Variants in PALS2 observed in about 807,000 individuals in gnomAD.
The protein encoded by PALS2 is protein PALS2.
PALS2 carries 27 observed loss-of-function variants against 61.6 expected under a neutral mutation model. That is an observed-to-expected ratio of 0.44 (90% CI 0.32 to 0.60). PALS2 has a LOEUF of 0.60. Among genes scored for constraint, PALS2 ranks in the 20% least tolerant of loss-of-function variants. PALS2 has a pLI of 0.05. For missense variants in PALS2, 554 were observed against 639.4 expected (o/e 0.87, Z 1.44); for synonymous variants, 236 against 218.6 (o/e 1.08, Z -0.70).
chr7:24,634,829 T>A (rs1785163615), intron 2 of PALS2, among the ~76,000 whole-genome samples: 1 of 152,168 alleles, frequency 6.6e-6, no homozygotes, highest in African/African-American at 2.4e-5. Flanking sequence ...GAAAGGAATA[T>A]TTTTTCCCCA....
Position 24,618,533 on chromosome 7 carries a change from T to A in PALS2, c.-2-5133T>A, listed in dbSNP as rs559055896. Reference sequence around the variant, plus strand: ...AAGTGCAGATCTTGTGCTCCCAGTCTGGGGGAATACAGCTGTGTGAATTCA... The same window carrying A: ...AAGTGCAGATCTTGTGCTCCCAGTCAGGGGGAATACAGCTGTGTGAATTCA... On this transcript the variant is annotated intron_variant, in intron 1 of 11. Transcript: ENST00000222644. This position sits in a 1 kb window ranked among gnomAD's most constrained non-coding sequence, Gnocchi z 5.1. Among the ~76,000 whole-genome samples, 18 of 152,316 alleles carry A rather than the reference T, an allele frequency of 1.2e-4. No individual in the cohort carries two copies. The East Asian group carries it at 3.5e-3, about 29-fold the overall frequency.
intron 1 of PALS2, among the ~76,000 whole-genome samples, chr7:24,599,268 G>T (rs1437209582): frequency 6.6e-6 from 1 of 152,144 alleles, no homozygotes; most frequent in Admixed American, 6.6e-5. Context: ...AGAACTGGCA[G>T]TTGCTCTGGG....
chr7:24,644,960 T>A (rs1195050935), intron 3 of PALS2, among the ~76,000 whole-genome samples: 1 of 151,016 alleles, frequency 6.6e-6, no homozygotes, highest in Admixed American at 6.6e-5. Flanking sequence ...GAGAAGTGTC[T>A]GTTCATGTTC....
chr7:24,581,257 G>A (rs2128039423), intron 1 of PALS2, among the ~76,000 whole-genome samples: 1 of 113,828 alleles, frequency 8.8e-6, no homozygotes, highest in Admixed American at 8.4e-5. Flanking sequence ...GTGTGTGTGT[G>A]TGTGTGTGTG....
At chr7:24,607,876 C>A (rs1783977171) in intron 1 of PALS2, among the ~76,000 whole-genome samples, 1 of 151,894 alleles carries the variant, frequency 6.6e-6, no homozygotes, top group South Asian at 2.1e-4. Context: ...TAAACAATTG[C>A]ATTCATGTAA....
At chr7:24,663,478 G>A in intron 5 of PALS2, 112 bp from the exon 6 acceptor site, 4 of 1,015,714 alleles carry the variant, frequency 3.9e-6, no homozygotes, top group Non-Finnish European at 5.5e-6. Flanking sequence ...ATTATCTGAA[G>A]TACTAAATAC....
intron 1 of PALS2, among the ~76,000 whole-genome samples, chr7:24,595,827 C>A (rs1181929719): frequency 6.6e-6 from 1 of 150,958 alleles, no homozygotes; most frequent in Non-Finnish European, 1.5e-5. Context: ...TACACTGTGA[C>A]AAAATGAAGA....
chr7:24,633,806 T>G (rs1474266057), intron 2 of PALS2, among the ~76,000 whole-genome samples: 1 of 152,218 alleles, frequency 6.6e-6, no homozygotes, highest in Admixed American at 6.5e-5. Flanking sequence ...CGGACTGTTA[T>G]CCATAGTAGC....
intron 1 of PALS2, among the ~76,000 whole-genome samples, chr7:24,604,174 A>G (rs746193671): frequency 6.6e-6 from 1 of 150,488 alleles, no homozygotes; most frequent in African/African-American, 2.5e-5. Flanking sequence ...GAATACCCAC[A>G]TCAGTCTAGC....
In PALS2 at chr7:24,617,011, T is replaced by A. The variant is rs573949809; in HGVS notation, c.-2-6655T>A. 2.0e-5 allele frequency among the ~76,000 whole-genome samples: 3 copies of A among 152,306 alleles called. No individual in the cohort carries two copies. In the East Asian group the frequency reaches 5.8e-4, roughly 29 times the overall value. The stretch of plus-strand genomic sequence containing the variant: ...CTCATTAAATATTTCCTATGATATT[T>A]CCCTTCTCTTCTTCTTCTGGAACTC... On this transcript the variant is annotated intron_variant, in intron 1 of 11. Transcript: ENST00000222644.
chr7:24,682,385 T>C (rs1410658991), intron 11 of PALS2, among the ~76,000 whole-genome samples: 1 of 152,170 alleles, frequency 6.6e-6, no homozygotes, highest in East Asian at 1.9e-4. Flanking sequence ...CTCCAAAGTC[T>C]GTCTGTGCTG....
rs1300439501 is a variant in PALS2 at position 24,596,090 on chromosome 7, G to C, written c.-3+22497G>C. On this transcript the variant is annotated intron_variant, in intron 1 of 11. Transcript: ENST00000222644. This position sits in a 1 kb window ranked among gnomAD's most constrained non-coding sequence, Gnocchi z 4.5. ...GAGTGTGGCTAGTTTTCTAAGTACA[G>C]TGGGAAGCCTTTGGGTAGTTTTAGC... Among the ~76,000 whole-genome samples the C allele has an allele frequency of 6.6e-6, 1 of 152,134 alleles. No individual in the cohort carries two copies. The highest frequency in any genetic ancestry group is 1.5e-5 in the Non-Finnish European group (1 of 68,030).
At chr7:24,632,900 T>A (rs1166903225) in intron 2 of PALS2, among the ~76,000 whole-genome samples, 6 of 149,382 alleles carry the variant, frequency 4.0e-5, no homozygotes, top group Non-Finnish European at 8.9e-5. Flanking sequence ...TGTTAGACTT[T>A]AAAAAAAAAA....
intron 5 of PALS2, among the ~76,000 whole-genome samples, chr7:24,658,603 C>T (rs1291018738): frequency 2.0e-5 from 3 of 148,748 alleles, no homozygotes; most frequent in Non-Finnish European, 3.0e-5. Context: ...TGTTGCCAGG[C>T]TGGAGTGCAG....
At chr7:24,633,003 TA>T (rs144870515) in intron 2 of PALS2, among the ~76,000 whole-genome samples, 9,628 of 152,280 alleles carry the variant, frequency 0.063, 353 homozygotes, top group African/African-American at 0.093. Context: ...AACTACCTTA[TA>T]AAATAACACT....
chr7:24,629,595 G>A (rs1001570089), intron 2 of PALS2, among the ~76,000 whole-genome samples: 1 of 151,978 alleles, frequency 6.6e-6, no homozygotes, highest in African/African-American at 2.4e-5. Flanking sequence ...CTGACAAAGG[G>A]CTAATATCCA....
rs1788372560 is a variant in PALS2 at position 24,689,578 on chromosome 7, T to C, written c.*1964T>C. The C allele has an allele frequency of 6.7e-6, 1 of 149,918 alleles. No homozygotes were observed. The highest frequency in any genetic ancestry group is 1.9e-4 in the East Asian group (1 of 5,196). The allele number at this position is 149,918 out of a possible 1,614,324, so 9.3% of individuals were successfully genotyped here. On this transcript the variant is annotated 3_prime_UTR_variant, in exon 12 of 12. Transcript: ENST00000222644. ...TTAAAGTTGGAAATCTATAGGTTTT[T>C]CTTTTTTTTTTTTTTTTTCTTTTTT...
rs575554878 is a variant in PALS2 at position 24,626,920 on chromosome 7, C to T, written c.117+3136C>T. ...ACTTAGACTCCCACACCATAATAGT[C>T]GGAGATTTTAACACCCCACCGTCAA... is the stretch of plus-strand genomic sequence containing the variant. On this transcript the variant is annotated intron_variant, in intron 2 of 11. Coordinates refer to ENST00000222644, the MANE Select transcript of PALS2 (RefSeq NM_001303037.2). 2.6e-5 allele frequency among the ~76,000 whole-genome samples: 4 copies of T among 152,130 alleles called. No homozygotes were observed. In the South Asian group the frequency reaches 6.2e-4, roughly 24 times the overall value.
At chr7:24,664,127 C>T (rs776555292) in intron 6 of PALS2, among the ~76,000 whole-genome samples, 13 of 152,092 alleles carry the variant, frequency 8.5e-5, no homozygotes, top group South Asian at 2.1e-4. Context: ...CCCTCATGTT[C>T]GTTCATAGCA....
Sources: gnomAD v4.1 joint callset for allele counts (sites outside exome capture counted in the v4.1 genomes callset) on GRCh38, gnomAD v4.1.1 for gene constraint, Gnocchi (gnomAD v3.1) non-coding constraint, MANE v1.5 for transcripts, NCBI Gene and HGNC (gene_info 2026-07-23, HGNC 2026-07-21) for gene names.